LAMA2: variants seen among roughly 807,000 people sequenced by gnomAD.
LAMA2 encodes the protein laminin subunit alpha-2.
LAMA2 carries 269 observed loss-of-function variants against 364.8 expected under a neutral mutation model. The ratio of observed to expected loss-of-function variants is 0.74; its 90% CI spans 0.67 to 0.82. LAMA2 has a LOEUF of 0.82. LAMA2 is among the 40% of genes least tolerant of loss of function. LAMA2 has a pLI of 0.00. For missense variants in LAMA2, 3,807 were observed against 3,873.2 expected (o/e 0.98, Z 0.45); for synonymous variants, 1,379 against 1,370.6 (o/e 1.01, Z -0.14).
chr6:129,340,423 G>T (rs2114563300), intron 29 of LAMA2, among the ~76,000 whole-genome samples: 1 of 152,182 alleles, frequency 6.6e-6, no homozygotes, highest in South Asian at 2.1e-4. Flanking sequence ...TTTAGGAGTG[G>T]AGTAGCTTCA....
chr6:129,094,483 C>G (rs1775050936), intron 3 of LAMA2, among the ~76,000 whole-genome samples: 1 of 152,102 alleles, frequency 6.6e-6, no homozygotes. Flanking sequence ...TTATTTTTAT[C>G]TATTATTCCA....
At chr6:129,473,460 G>T in intron 52 of LAMA2, 108 bp downstream of exon 52, 1 of 1,078,668 alleles carries the variant, frequency 9.3e-7, no homozygotes. Flanking sequence ...ATAACCCTTG[G>T]TTGCAGAAAG....
intron 1 of LAMA2, among the ~76,000 whole-genome samples, chr6:128,892,185 T>G (rs138469984): frequency 6.6e-6 from 1 of 152,144 alleles, no homozygotes; most frequent in African/African-American, 2.4e-5. Flanking sequence ...GAGGAGACCC[T>G]AAGAGACTAT....
rs1325937200 is a variant in LAMA2 at position 129,452,984 on chromosome 6, A to T, written c.6430-4A>T. On this transcript the variant is annotated splice_polypyrimidine_tract_variant and splice_region_variant and intron_variant, in intron 45 of 64. Transcript: ENST00000421865. ...TGGTTCTTTGTATCTTGTTTTTTTT[A>T]AAGATCAAAGTATCTGTGTCTTCAG... The T allele has an allele frequency of 3.1e-6, 5 of 1,605,582 alleles. No individual in the cohort carries two copies. The highest frequency in any genetic ancestry group is 1.1e-5 in the South Asian group (1 of 90,858).
At chr6:129,514,638 T>C (rs760399617) in intron 64 of LAMA2, 43 bp downstream of exon 64, 5 of 1,455,446 alleles carry the variant, frequency 3.4e-6, no homozygotes, top group Non-Finnish European at 4.8e-6. Context: ...TGCTCTCTTA[T>C]GTTACTGGTT....
intron 3 of LAMA2, among the ~76,000 whole-genome samples, chr6:129,075,274 G>A (rs1582994327): frequency 6.6e-6 from 1 of 152,134 alleles, no homozygotes; most frequent in Non-Finnish European, 1.5e-5. Flanking sequence ...AGGAAAGAAG[G>A]CCAATGTGGC....
intron 20 of LAMA2, among the ~76,000 whole-genome samples, chr6:129,292,089 G>A (rs1789741021): frequency 6.6e-6 from 1 of 152,202 alleles, no homozygotes; most frequent in Admixed American, 6.5e-5. Flanking sequence ...GCTCATGCCT[G>A]TAATCCCAGC....
In LAMA2 at chr6:129,177,635, TC is replaced by T. The variant is rs1302331416; in HGVS notation, c.1307-70del. 3 of 1,463,168 alleles carry T rather than the reference TC, an allele frequency of 2.1e-6. No individual in the cohort carries two copies. In the African/African-American group the frequency reaches 4.2e-5, roughly 20 times the overall value. 90.6% of individuals were successfully genotyped at this position (1,463,168 alleles called of 1,614,324 possible). A position where few individuals can be genotyped will look rare whatever the true frequency, so the allele number is the denominator to read the frequency against. ...CAAAATAGCATTTTAAAGGTTACTG[TC>T]ATTAAAACTTTAACAACTAAATTAT... On this transcript the variant is annotated intron_variant, in intron 9 of 64. Coordinates refer to ENST00000421865, the MANE Select transcript of LAMA2 (RefSeq NM_000426.4).
intron 1 of LAMA2, among the ~76,000 whole-genome samples, chr6:129,020,008 C>T (rs1399394498): frequency 1.3e-5 from 2 of 150,566 alleles, no homozygotes; most frequent in African/African-American, 4.9e-5. Context: ...TTGCTAAAAA[C>T]TTGGGAGGCA....
At chr6:129,214,910 A>G (rs753158858) in intron 12 of LAMA2, among the ~76,000 whole-genome samples, 14 of 152,268 alleles carry the variant, frequency 9.2e-5, no homozygotes, top group Non-Finnish European at 1.8e-4. Flanking sequence ...ATGGACATGG[A>G]ATACCTCTCC....
At chr6:129,513,263 T>G (rs1786748763) in intron 63 of LAMA2, among the ~76,000 whole-genome samples, 1 of 152,170 alleles carries the variant, frequency 6.6e-6, no homozygotes, top group Non-Finnish European at 1.5e-5. Flanking sequence ...TGCTCAATTT[T>G]CAAACTGTCC....
At chr6:129,235,497 C>T (rs1784924990) in intron 12 of LAMA2, among the ~76,000 whole-genome samples, 1 of 152,094 alleles carries the variant, frequency 6.6e-6, no homozygotes, top group Non-Finnish European at 1.5e-5. Context: ...ATTTGCACCC[C>T]TTTGAGAGTA....
At chr6:128,929,666 T>G (rs1779329524) in intron 1 of LAMA2, 1 of 1,426,184 alleles carries the variant, frequency 7.0e-7, no homozygotes, top group Non-Finnish European at 9.9e-7. Context: ...GGTTTGTCAC[T>G]GAAGCCAACG....
chr6:129,107,407 T>A (rs1236696068), intron 4 of LAMA2, among the ~76,000 whole-genome samples: 1 of 151,266 alleles, frequency 6.6e-6, no homozygotes, highest in Admixed American at 6.6e-5. Context: ...GGAATGAGAG[T>A]GGGGAGCATG....
At chr6:129,211,140 C>T (rs546814916) in intron 12 of LAMA2, among the ~76,000 whole-genome samples, 1 of 152,238 alleles carries the variant, frequency 6.6e-6, no homozygotes, top group South Asian at 2.1e-4. Context: ...CAGTTGACTA[C>T]TAATAATAAA....
Position 129,180,365 on chromosome 6 carries a change from A to G in LAMA2, c.1467+2499A>G, listed in dbSNP as rs369567245. On this transcript the variant is annotated intron_variant, in intron 10 of 64. Coordinates refer to ENST00000421865, the MANE Select transcript of LAMA2 (RefSeq NM_000426.4). ...TAAATAGAAATAATATAAATCACAT[A>G]TGAAATAATGTGTATATAAGTATTC... 3.3e-5 allele frequency among the ~76,000 whole-genome samples: 5 copies of G among 152,292 alleles called. No individual in the cohort carries two copies. The East Asian group carries it at 5.8e-4, about 18-fold the overall frequency.
chr6:129,221,260 C>G (rs555069490), intron 12 of LAMA2, among the ~76,000 whole-genome samples: 3 of 146,258 alleles, frequency 2.1e-5, no homozygotes, highest in African/African-American at 7.5e-5. Context: ...CCAAGATTTC[C>G]AAAAATAAGA....
At chr6:129,356,222 C>T (rs551535971) in intron 32 of LAMA2, among the ~76,000 whole-genome samples, 2 of 152,060 alleles carry the variant, frequency 1.3e-5, no homozygotes, top group African/African-American at 2.4e-5. Flanking sequence ...TCTGTGTCCA[C>T]GTTAGGAACC....
At chr6:129,112,437 G>C (rs9482984) in intron 4 of LAMA2, among the ~76,000 whole-genome samples, 1 of 151,620 alleles carries the variant, frequency 6.6e-6, no homozygotes, top group African/African-American at 2.4e-5. Context: ...AAGCAAATGC[G>C]TTACAAAAAA....
Sources: allele counts gnomAD v4.1 joint callset (sites outside exome capture counted in the v4.1 genomes callset), GRCh38; gene constraint gnomAD v4.1.1; transcripts MANE v1.5; gene names NCBI Gene and HGNC (gene_info 2026-07-23, HGNC 2026-07-21).